ADGRG7: variants seen among roughly 807,000 people sequenced by gnomAD.
The protein encoded by ADGRG7 is adhesion G protein-coupled receptor G7, also known as G-protein coupled receptor 128.
ADGRG7 carries 82 observed loss-of-function variants against 88.6 expected under a neutral mutation model. The ratio of observed to expected loss-of-function variants is 0.93; its 90% CI spans 0.77 to 1.11. The LOEUF (loss-of-function observed/expected upper bound fraction) is 1.11, where lower values mean the gene tolerates loss of function less well. Ranked by LOEUF, ADGRG7 falls within the 50% of genes most tolerant of loss-of-function variation. ADGRG7 has a pLI of 0.00. For synonymous variants in ADGRG7, 381 were observed against 345.2 expected (o/e 1.10, Z -1.15); for missense variants, 945 against 953.4 (o/e 0.99, Z 0.12).
At chr3:100,619,734 C>T (rs1039379861) in intron 1 of ADGRG7, among the ~76,000 whole-genome samples, 6 of 151,584 alleles carry the variant, frequency 4.0e-5, no homozygotes, top group South Asian at 2.1e-4. Context: ...ATATCACCAC[C>T]GATCCCACAG....
intron 10 of ADGRG7, among the ~76,000 whole-genome samples, chr3:100,648,311 G>T (rs1182100815): frequency 4.1e-5 from 1 of 24,338 alleles, no homozygotes; most frequent in Non-Finnish European, 3.3e-3. Flanking sequence ...GATTAAAATT[G>T]CATGATTAAG....
chr3:100,611,851 T>C (rs1242262595), intron 1 of ADGRG7, among the ~76,000 whole-genome samples: 1 of 152,202 alleles, frequency 6.6e-6, no homozygotes, highest in Non-Finnish European at 1.5e-5. Context: ...CTGTTTCTTT[T>C]CACTTCACTC....
rs775050676 is a variant in ADGRG7, at chr3:100,635,250, A to T, written c.448-427A>T. ...TGAAATAATAAAAATAAATTACTGG[A>T]AAAATGAAATAAAAAATATGTATAA... On this transcript the variant is annotated intron_variant, in intron 4 of 15. Transcript: ENST00000273352. Among the ~76,000 whole-genome samples, 5 of 152,276 alleles carry T rather than the reference A, an allele frequency of 3.3e-5. No homozygotes were observed. The South Asian group carries it at 1.0e-3, about 32-fold the overall frequency.
chr3:100,676,491 T>C (rs958727086), intron 15 of ADGRG7, among the ~76,000 whole-genome samples: 1 of 152,114 alleles, frequency 6.6e-6, no homozygotes, highest in Non-Finnish European at 1.5e-5. Flanking sequence ...TTTTTTTGGA[T>C]TTTTAAAGAT....
intron 3 of ADGRG7, 117 bp from the exon 4 acceptor site, chr3:100,633,148 T>C: frequency 2.2e-6 from 1 of 460,872 alleles, no homozygotes; most frequent in Non-Finnish European, 3.6e-6. Context: ...CTAAAAATAA[T>C]AGGCAATAAT....
At chr3:100,612,753 G>A (rs533542777) in intron 1 of ADGRG7, among the ~76,000 whole-genome samples, 9 of 151,900 alleles carry the variant, frequency 5.9e-5, no homozygotes, top group East Asian at 1.9e-4. Flanking sequence ...CTTTATCCCC[G>A]CTTATCTCCA....
chr3:100,617,987 T>C (rs1707249885), intron 1 of ADGRG7, among the ~76,000 whole-genome samples: 2 of 152,246 alleles, frequency 1.3e-5, no homozygotes, highest in African/African-American at 4.8e-5. Flanking sequence ...CATTTTTTCA[T>C]GTGTCTATTG....
intron 6 of ADGRG7, among the ~76,000 whole-genome samples, chr3:100,641,346 G>C (rs1205351984): frequency 6.6e-6 from 1 of 152,230 alleles, no homozygotes; most frequent in East Asian, 1.9e-4. Context: ...ATAGTAATCT[G>C]ATTAGCTGAG....
At chr3:100,644,048 T>C (rs1707694397) in intron 8 of ADGRG7, among the ~76,000 whole-genome samples, 1 of 152,194 alleles carries the variant, frequency 6.6e-6, no homozygotes, top group Admixed American at 6.5e-5. Flanking sequence ...GTCTATGTAA[T>C]TGGCACAGAC....
chr3:100,621,897 C>T (rs993246336), intron 1 of ADGRG7, among the ~76,000 whole-genome samples: 9 of 152,034 alleles, frequency 5.9e-5, no homozygotes, highest in Non-Finnish European at 1.0e-4. Context: ...CGGCTGGTGA[C>T]CTAAAGTTGA....
At chr3:100,676,420 CTT>C (rs2094965356) in intron 15 of ADGRG7, among the ~76,000 whole-genome samples, 1 of 151,902 alleles carries the variant, frequency 6.6e-6, no homozygotes, top group Non-Finnish European at 1.5e-5. Flanking sequence ...CAAAATACCT[CTT>C]GTTATTGATT....
At chr3:100,680,812 A>G (rs915410266) in intron 15 of ADGRG7, among the ~76,000 whole-genome samples, 4 of 152,164 alleles carry the variant, frequency 2.6e-5, no homozygotes, top group Admixed American at 6.5e-5. Flanking sequence ...CTGCTATGCA[A>G]TGTTCTTATT....
intron 8 of ADGRG7, 97 bp downstream of exon 8, chr3:100,643,730 T>A: frequency 2.6e-6 from 2 of 762,310 alleles, no homozygotes; most frequent in Non-Finnish European, 2.2e-6. Flanking sequence ...TCTACTTAGT[T>A]TCATACTGAG....
chr3:100,691,018 C>T (rs551148751), intron 15 of ADGRG7, among the ~76,000 whole-genome samples: 40 of 152,340 alleles, frequency 2.6e-4, no homozygotes, highest in South Asian at 2.3e-3. Context: ...CCACCTAGTT[C>T]GAGCTTCCCG....
chr3:100,611,279 C>T (rs1045891114), intron 1 of ADGRG7, among the ~76,000 whole-genome samples: 275 of 143,706 alleles, frequency 1.9e-3, no homozygotes, highest in African/African-American at 6.2e-3. Context: ...TTCCTTCCTT[C>T]CTTCCTTCCT....
chr3:100,653,700 G>A (rs1394903899), intron 11 of ADGRG7, among the ~76,000 whole-genome samples: 1 of 152,142 alleles, frequency 6.6e-6, no homozygotes, highest in East Asian at 1.9e-4. Context: ...GTCAGATGGC[G>A]GCTGGGCCAG....
chr3:100,688,597 A>G (rs1430109728), intron 15 of ADGRG7, among the ~76,000 whole-genome samples: 1 of 152,196 alleles, frequency 6.6e-6, no homozygotes, highest in East Asian at 1.9e-4. Flanking sequence ...TATTGGCTTC[A>G]AAGAACATCT....
intron 1 of ADGRG7, among the ~76,000 whole-genome samples, chr3:100,611,300 CT>C (rs1553689169): frequency 8.5e-6 from 1 of 118,236 alleles, no homozygotes; most frequent in African/African-American, 3.6e-5. Flanking sequence ...TCCTTCCTTC[CT>C]TTCTTCTTTC....
chr3:100,639,555 T>C (rs929744046), intron 6 of ADGRG7, among the ~76,000 whole-genome samples: 1 of 152,184 alleles, frequency 6.6e-6, no homozygotes, highest in African/African-American at 2.4e-5. Context: ...ATGTCTCTCA[T>C]TTTTCTTGAC....
Sources: allele counts gnomAD v4.1 joint callset (sites outside exome capture counted in the v4.1 genomes callset), GRCh38; gene constraint gnomAD v4.1.1; transcripts MANE v1.5; gene names NCBI Gene and HGNC (gene_info 2026-07-23, HGNC 2026-07-21).